Variants in IQCM observed in about 807,000 individuals in gnomAD.
IQCM encodes the protein IQ domain-containing protein M.
Under a neutral mutation model 57.6 loss-of-function variants are expected in IQCM, and 45 were observed. The observed-to-expected ratio is 0.78, with a 90% confidence interval of 0.62 to 1.00. The LOEUF is 1.00. Among genes scored for constraint, IQCM ranks in the 50% least tolerant of loss-of-function variants. The probability of loss-of-function intolerance (pLI) is 0.00; values close to 1 mark genes in which losing one functional copy is unlikely to be tolerated. For synonymous variants in IQCM, 148 were observed against 158.9 expected, an observed-to-expected ratio of 0.93 and a Z score of 0.51; for missense variants, 468 against 511.6, an observed-to-expected ratio of 0.91 and a Z score of 0.82.
At chr4:149,356,504 C>A (rs1283181732) in intron 13 of IQCM, among the ~76,000 whole-genome samples, 1 of 152,012 alleles carries the variant, frequency 6.6e-6, no homozygotes, top group Non-Finnish European at 1.5e-5. Flanking sequence ...AATAGGGAAT[C>A]CTTTCCCCAT....
intron 12 of IQCM, among the ~76,000 whole-genome samples, chr4:149,458,172 A>G (rs940773528): frequency 3.3e-5 from 5 of 152,084 alleles, no homozygotes; most frequent in African/African-American, 1.2e-4. Context: ...TATACTTGAA[A>G]GTGCTTAATA....
At chr4:149,416,835 T>A (rs1037142768) in intron 13 of IQCM, among the ~76,000 whole-genome samples, 1 of 152,080 alleles carries the variant, frequency 6.6e-6, no homozygotes, top group Non-Finnish European at 1.5e-5. Context: ...AAACTAGAGT[T>A]AAATAATGTG....
At chr4:149,727,011 A>G (rs1477103177) in intron 5 of IQCM, among the ~76,000 whole-genome samples, 1 of 151,978 alleles carries the variant, frequency 6.6e-6, no homozygotes, top group Non-Finnish European at 1.5e-5. Context: ...CGGCCTCCCA[A>G]AGTGCTGGGA....
intron 5 of IQCM, among the ~76,000 whole-genome samples, chr4:149,703,958 T>C (rs771231125): frequency 8.2e-4 from 124 of 151,892 alleles, no homozygotes; most frequent in Non-Finnish European, 2.5e-4. Flanking sequence ...CTTTCACTTA[T>C]ACAAGCACAG....
intron 7 of IQCM, among the ~76,000 whole-genome samples, chr4:149,630,238 A>T (rs1034066825): frequency 6.6e-6 from 1 of 152,208 alleles, no homozygotes; most frequent in African/African-American, 2.4e-5. Context: ...TTTGTCAGGA[A>T]GCACTCTGCC....
At chr4:149,704,067 A>T (rs1763971683) in intron 5 of IQCM, among the ~76,000 whole-genome samples, 1 of 151,838 alleles carries the variant, frequency 6.6e-6, no homozygotes, top group Non-Finnish European at 1.5e-5. Flanking sequence ...GCTATCACTA[A>T]AAAAAATTTT....
intron 7 of IQCM, among the ~76,000 whole-genome samples, chr4:149,635,016 T>A (rs1044830391): frequency 9.8e-5 from 15 of 152,342 alleles, no homozygotes; most frequent in African/African-American, 3.6e-4. Context: ...TTTGTATATT[T>A]AGATTTTCCA....
intron 2 of IQCM, among the ~76,000 whole-genome samples, chr4:149,750,973 G>A (rs1425853761): frequency 6.6e-6 from 1 of 152,046 alleles, no homozygotes; most frequent in Non-Finnish European, 1.5e-5. Context: ...TATATTTTCT[G>A]TTTTCTTTTT....
intron 7 of IQCM, among the ~76,000 whole-genome samples, chr4:149,658,441 C>T (rs1759833681): frequency 6.6e-6 from 1 of 151,914 alleles, no homozygotes. Flanking sequence ...TTGTGTAATG[C>T]CTCAAGCTTT....
intron 7 of IQCM, among the ~76,000 whole-genome samples, chr4:149,679,026 T>C (rs2150197101): frequency 6.6e-6 from 1 of 151,806 alleles, no homozygotes; most frequent in South Asian, 2.1e-4. Flanking sequence ...AATTCTGCTA[T>C]TGGGTATATA....
intron 8 of IQCM, among the ~76,000 whole-genome samples, chr4:149,614,030 C>T (rs908040150): frequency 6.6e-6 from 1 of 152,136 alleles, no homozygotes; most frequent in African/African-American, 2.4e-5. Context: ...AAACGAATGA[C>T]CTGTTTTTAT....
chr4:149,359,386 GC>G (rs1729315328), intron 13 of IQCM, among the ~76,000 whole-genome samples: 1 of 151,908 alleles, frequency 6.6e-6, no homozygotes, highest in Non-Finnish European at 1.5e-5. Flanking sequence ...TTATAATTTA[GC>G]CTTATATTTT....
intron 12 of IQCM, among the ~76,000 whole-genome samples, chr4:149,499,002 G>C (rs1486927858): frequency 6.6e-6 from 1 of 152,122 alleles, no homozygotes; most frequent in Non-Finnish European, 1.5e-5. Flanking sequence ...CAAAAATAGA[G>C]GTTCTCCACC....
chr4:149,712,103 T>G (rs1466222019), intron 5 of IQCM, among the ~76,000 whole-genome samples: 1 of 152,174 alleles, frequency 6.6e-6, no homozygotes. Context: ...AGAGAAGGGA[T>G]GATCAATGTC....
At chr4:149,364,702 G>A (rs992201856) in intron 13 of IQCM, among the ~76,000 whole-genome samples, 5 of 151,870 alleles carry the variant, frequency 3.3e-5, no homozygotes, top group African/African-American at 9.7e-5. Context: ...TAAATAATAA[G>A]AACATCATAA....
intron 12 of IQCM, among the ~76,000 whole-genome samples, chr4:149,452,890 G>C (rs556716377): frequency 6.6e-6 from 1 of 150,426 alleles, no homozygotes; most frequent in Non-Finnish European, 1.5e-5. Flanking sequence ...AAGAAAGAGT[G>C]GTTTAAAAAA....
intron 12 of IQCM, among the ~76,000 whole-genome samples, chr4:149,519,546 G>T (rs1160148128): frequency 6.6e-6 from 1 of 151,754 alleles, no homozygotes; most frequent in East Asian, 2.0e-4. Context: ...TAGGTGAATG[G>T]CATGAACCCA....
intron 6 of IQCM, among the ~76,000 whole-genome samples, chr4:149,684,398 A>T (rs1283984457): frequency 2.0e-5 from 3 of 151,380 alleles, no homozygotes; most frequent in Non-Finnish European, 4.4e-5. Context: ...TCCCAAAAGT[A>T]TTAGAGTCAT....
At chr4:149,672,180 G>A (rs1213681257) in intron 7 of IQCM, among the ~76,000 whole-genome samples, 1 of 152,212 alleles carries the variant, frequency 6.6e-6, no homozygotes, top group Non-Finnish European at 1.5e-5. Context: ...AACCAGAGCA[G>A]AAAGGCTGAA....
Sources: allele counts gnomAD v4.1 joint callset (sites outside exome capture counted in the v4.1 genomes callset), GRCh38; gene constraint gnomAD v4.1.1; transcripts MANE v1.5; gene names NCBI Gene and HGNC (gene_info 2026-07-23, HGNC 2026-07-21).